Variants in HPSE observed in about 807,000 individuals in gnomAD.
HPSE encodes endo-glucoronidase.
In HPSE, 48 loss-of-function variants were observed where a neutral mutation model predicts 65.1. That is an observed-to-expected ratio of 0.74 (90% CI 0.58 to 0.94). HPSE has a LOEUF of 0.94. Among genes scored for constraint, HPSE ranks in the 40% least tolerant of loss-of-function variants. The probability of loss-of-function intolerance (pLI) is 0.00; values close to 1 mark genes in which losing one functional copy is unlikely to be tolerated. For synonymous variants in HPSE, 243 were observed against 260.0 expected (o/e 0.93, Z 0.63); for missense variants, 644 against 637.5 (o/e 1.01, Z -0.11).
At position 83,334,633 on chromosome 4, in the gene HPSE, G is replaced by C. The variant is rs1490407138; in HGVS notation, c.150C>G (p.His50Gln). Residue 50 changes from histidine to glutamine, a missense_variant, in exon 1 of 12, where the codon CAC becomes CAG. Physicochemically the swap from His to Gln is conservative, Grantham distance 24. Transcript: ENST00000311412. ...CGGACAGGAACGAGGGGCTCACCAGGTGCAGCGGCTCCTGGGTGAAGAAGT... is the reference window on the plus strand; with the variant it reads ...CGGACAGGAACGAGGGGCTCACCAGCTGCAGCGGCTCCTGGGTGAAGAAGT... ...DLDFFTQEPL[H>Q]LVSPSFLSVT... 1 of 1,589,032 alleles carries C rather than the reference G, an allele frequency of 6.3e-7. No homozygotes were observed. Among genetic ancestry groups the C allele is most frequent in the Non-Finnish European group, 8.6e-7 (1 of 1,167,684 alleles).
upstream of HPSE, chr4:83,334,867 G>T: frequency 7.0e-7 from 1 of 1,436,264 alleles, no homozygotes; most frequent in Non-Finnish European, 9.1e-7. Context: ...CCGAGCCCCA[G>T]CGCCCTTTTC....
At chr4:83,302,088 G>T in intron 10 of HPSE, 62 bp downstream of exon 10, 1 of 1,075,792 alleles carries the variant, frequency 9.3e-7, no homozygotes, top group Non-Finnish European at 1.4e-6. Flanking sequence ...GGGTGTTTGA[G>T]TAAAGTTACA....
At chr4:83,302,438 C>T (rs1735989312) in intron 9 of HPSE, among the ~76,000 whole-genome samples, 170 bp from the exon 10 acceptor site, 1 of 151,204 alleles carries the variant, frequency 6.6e-6, no homozygotes, top group African/African-American at 2.4e-5. Context: ...CATGTGACCA[C>T]CATGAATCTG....
chr4:83,329,547 G>A (rs1737285888), intron 1 of HPSE, among the ~76,000 whole-genome samples: 1 of 152,094 alleles, frequency 6.6e-6, no homozygotes. Context: ...GAAGAGCTAT[G>A]GTCTGGCTCT....
At chr4:83,310,636 C>A (rs1736330048) in intron 5 of HPSE, 86 bp downstream of exon 5, 4 of 1,276,118 alleles carry the variant, frequency 3.1e-6, no homozygotes, top group African/African-American at 1.5e-5. Flanking sequence ...TGTACCACTG[C>A]ACTCCAGTCT....
intron 1 of HPSE, 31 bp downstream of exon 1, chr4:83,334,525 A>C: frequency 1.3e-6 from 2 of 1,549,180 alleles, no homozygotes; most frequent in East Asian, 4.9e-5. Flanking sequence ...GAGGACAGGA[A>C]AGGGGACAGG....
At chr4:83,308,974 T>C (rs201583961) in intron 7 of HPSE, 23 bp from the exon 8 acceptor site, 4 of 1,595,920 alleles carry the variant, frequency 2.5e-6, no homozygotes, top group Admixed American at 3.4e-5. Flanking sequence ...AAAGTATCCA[T>C]GGTAATTGCA....
At chr4:83,316,518 A>G (rs909106759) in intron 3 of HPSE, among the ~76,000 whole-genome samples, 3 of 152,194 alleles carry the variant, frequency 2.0e-5, no homozygotes, top group Non-Finnish European at 2.9e-5. Flanking sequence ...ACACATTGAA[A>G]AAAATGGCAG....
intron 5 of HPSE, 36 bp downstream of exon 5, chr4:83,310,686 G>C: frequency 6.4e-7 from 1 of 1,568,650 alleles, no homozygotes; most frequent in African/African-American, 1.4e-5. Context: ...GGAAAAAGAA[G>C]AAAAGTAAAG....
Position 83,319,365 on chromosome 4 carries a change from A to G in HPSE, c.478T>C (p.Phe160Leu). Reference sequence around the variant, plus strand: ...TTACTTGAGTAGGTGCTGTTCTTGAACTTTTTCTGGTAGTGTTCTCGGAGT... The same window carrying G: ...TTACTTGAGTAGGTGCTGTTCTTGAGCTTTTTCTGGTAGTGTTCTCGGAGT... ...LLLREHYQKK[F>L]KNSTYSRSSV... The change falls in exon 3 of 12, where the codon TTC becomes CTC. Residue 160 changes from phenylalanine (F) to leucine (L), a missense_variant. Transcript: ENST00000311412. The G allele has an allele frequency of 6.2e-7, 1 of 1,612,642 alleles. No individual in the cohort carries two copies. Among genetic ancestry groups the G allele is most frequent in the Non-Finnish European group, 8.5e-7 (1 of 1,179,382 alleles).
At chr4:83,308,096 A>ATT (rs70946997) in intron 8 of HPSE, among the ~76,000 whole-genome samples, 126 of 145,176 alleles carry the variant, frequency 8.7e-4, no homozygotes, top group Non-Finnish European at 1.3e-3. Flanking sequence ...TCTAACTTGC[A>ATT]TTTTTTTTTT....
intron 1 of HPSE, among the ~76,000 whole-genome samples, chr4:83,332,923 C>T (rs1252843330): frequency 2.0e-5 from 3 of 151,578 alleles, no homozygotes; most frequent in Non-Finnish European, 4.4e-5. Context: ...AGTAACCGCC[C>T]CCCCCCACCC....
Position 83,301,040 on chromosome 4 carries a change from C to A in HPSE, c.1392G>T (p.Leu464Phe), listed in dbSNP as rs1735928720. The A allele has an allele frequency of 6.2e-7, 1 of 1,607,708 alleles. No individual in the cohort carries two copies. The highest frequency in any genetic ancestry group is 1.3e-5 in the African/African-American group (1 of 74,514). Reference sequence around the variant, plus strand: ...TGTTAGAAAAAGGATAGGGTAACCGCAAGTACTTGGTGACATTATGGAGGT... The same window carrying A: ...TGTTAGAAAAAGGATAGGGTAACCGAAAGTACTTGGTGACATTATGGAGGT... ...AINLHNVTKY[L>F]RLPYPFSNKQ... Residue 464 changes from leucine to phenylalanine, a missense_variant, in exon 11 of 12, where the codon TTG becomes TTT. Transcript: ENST00000311412.
Position 83,334,611 on chromosome 4 carries a change from A to C in HPSE, c.172T>G (p.Ser58Ala), listed in dbSNP as rs778710978. ...GCCAGGTTGGCGTCAATGGTGACGG[A>C]CAGGAACGAGGGGCTCACCAGGTGC... ...PLHLVSPSFL[S>A]VTIDANLATD... is the part of the protein sequence containing the mutation. Residue 58 changes from serine to alanine, a missense_variant, in exon 1 of 12, where the codon TCC (serine) becomes GCC (alanine). Ser to Ala is a moderately conservative substitution (Grantham distance 99). Transcript: ENST00000311412. 2 of 1,593,742 alleles carry C rather than the reference A, an allele frequency of 1.3e-6. No homozygotes were observed. The highest frequency in any genetic ancestry group is 2.7e-5 in the African/African-American group (2 of 74,606).
At chr4:83,312,268 G>A (rs923721414) in intron 4 of HPSE, among the ~76,000 whole-genome samples, 3 of 152,198 alleles carry the variant, frequency 2.0e-5, no homozygotes, top group Admixed American at 6.5e-5. Context: ...ACTGGGATTA[G>A]CAATAATAGG....
Position 83,334,727 on chromosome 4 carries a change from C to T in HPSE, c.56G>A (p.Gly19Glu). 1.3e-6 allele frequency: 2 copies of T among 1,562,688 alleles called. No individual in the cohort carries two copies. The highest frequency in any genetic ancestry group is 1.7e-6 in the Non-Finnish European group (2 of 1,153,444). The change falls in exon 1 of 12, where the codon GGG (glycine) becomes GAG (glutamate). Residue 19 changes from glycine to glutamate, a missense_variant. Transcript: ENST00000311412. ...LPPPLMLLLLGPLGPLSPGAL... is the reference protein window; with the variant it reads ...LPPPLMLLLLEPLGPLSPGAL... Reference sequence around the variant, plus strand: ...GCCAGGGGAGAGGGGACCCAGCGGCCCCAGGAGCAGCAGCATCAGCGGCGG... The same window carrying T: ...GCCAGGGGAGAGGGGACCCAGCGGCTCCAGGAGCAGCAGCATCAGCGGCGG...
intron 9 of HPSE, among the ~76,000 whole-genome samples, chr4:83,305,791 C>T (rs578078016): frequency 1.1e-4 from 17 of 152,274 alleles, no homozygotes; most frequent in African/African-American, 4.1e-4. Context: ...ACACATGGTA[C>T]TGGCTCATTT....
chr4:83,334,462 T>C (rs1238373574), intron 1 of HPSE, 94 bp downstream of exon 1: 3 of 1,365,262 alleles, frequency 2.2e-6, no homozygotes, highest in Non-Finnish European at 3.0e-6. Flanking sequence ...CGGTGTGAAG[T>C]TGTTTCCGCG....
chr4:83,299,369 A>G lies in HPSE; in HGVS notation c.1472+1591T>C, dbSNP rs867919667. ...ACAGAGTGAGACTCTGTCTCAAAAA[A>G]AAAAAAAAAAAAAAAAAAAAGAAGA... On this transcript the variant is annotated intron_variant, in intron 11 of 11. Coordinates refer to ENST00000311412, the MANE Select transcript of HPSE (RefSeq NM_001098540.3). Among the ~76,000 whole-genome samples, 438 of 140,804 alleles carry G rather than the reference A, an allele frequency of 3.1e-3. 7 individuals carry two copies. The highest frequency in any genetic ancestry group is 0.011 in the Middle Eastern group (3 of 282). The allele number at this position is 140,804 out of a possible 152,430, so 92.4% of individuals were successfully genotyped here.
Sources: gnomAD v4.1 joint callset for allele counts (sites outside exome capture counted in the v4.1 genomes callset) on GRCh38, gnomAD v4.1.1 for gene constraint, MANE v1.5 for transcripts, NCBI Gene and HGNC (gene_info 2026-07-23, HGNC 2026-07-21) for gene names.